The following HDX variants were observed in gnomAD, a reference collection of about 807,000 sequenced individuals.
The protein encoded by HDX is chromosome X open reading frame 43.
HDX carries 19 observed loss-of-function variants against 45.2 expected under a neutral mutation model. The ratio of observed to expected loss-of-function variants is 0.42; its 90% CI spans 0.29 to 0.62. The LOEUF (loss-of-function observed/expected upper bound fraction) is 0.62, where lower values mean the gene tolerates loss of function less well. Ranked by LOEUF, HDX falls within the 20% of genes least tolerant of loss-of-function variation. The pLI is 0.20. For missense variants in HDX, 532 were observed against 493.9 expected (o/e 1.08, Z -0.73); for synonymous variants, 188 against 172.8 (o/e 1.09, Z -0.69).
At chrX:84,376,895 G>C (rs1406314424) in intron 5 of HDX, among the ~76,000 whole-genome samples, 1 of 111,814 alleles carries the variant, frequency 8.9e-6, no homozygotes, top group Non-Finnish European at 1.9e-5. Context: ...CCAGGGCCTA[G>C]TGCGAACATA....
At chrX:84,330,589 C>T (rs191724724) in intron 9 of HDX, among the ~76,000 whole-genome samples, 1 of 111,467 alleles carries the variant, frequency 9.0e-6, no homozygotes, top group African/African-American at 3.3e-5. Context: ...ACCAGGAAGT[C>T]GTTTCTAATA....
intron 7 of HDX, among the ~76,000 whole-genome samples, chrX:84,338,640 T>C (rs1239334480): frequency 1.8e-5 from 2 of 110,620 alleles, no homozygotes; most frequent in African/African-American, 6.6e-5. Flanking sequence ...TAACCTCTTT[T>C]TTTTCTCTAT....
rs2037623964 is a variant in HDX, at chrX:84,361,591, T to C, written c.1327A>G (p.Ser443Gly). Residue 443 changes from serine (S) to glycine (G), a missense_variant, in exon 6 of 11, where the codon AGT becomes GGT. Physicochemically the swap from Ser to Gly is moderately conservative, Grantham distance 56. This residue lies in a region of HDX where 376 missense variants were observed against 343.7 expected (regional missense o/e 1.09). Transcript: ENST00000373177. ...KRALQDRTQF[S>G]DRDLATLKKY... Reference sequence around the variant, plus strand: ...TTAAGGGTGGCTAAGTCTCGGTCACTGAACTGAGTGCGGTCCTGTAGCTGA... The same window carrying C: ...TTAAGGGTGGCTAAGTCTCGGTCACCGAACTGAGTGCGGTCCTGTAGCTGA... The C allele has an allele frequency of 1.7e-6, 2 of 1,196,326 alleles. No individual in the cohort carries two copies. Among genetic ancestry groups the C allele is most frequent in the Non-Finnish European group, 2.3e-6 (2 of 887,064 alleles).
chrX:84,381,629 T>G lies in HDX; in HGVS notation c.1306-20017A>C, dbSNP rs190924918. Among the ~76,000 whole-genome samples, 208 of 111,742 alleles carry G rather than the reference T, an allele frequency of 1.9e-3. 2 individuals carry two copies. Among genetic ancestry groups the G allele is most frequent in the African/African-American group, 6.6e-3 (202 of 30,839 alleles). ...AGACAGTTTCTTCAATAAATGGTGC[T>G]GGGAAAACTGGATATTCATATGCAG... On this transcript the variant is annotated intron_variant, in intron 5 of 10. Coordinates refer to ENST00000373177, the MANE Select transcript of HDX (RefSeq NM_001177479.2).
intron 7 of HDX, 88 bp from the exon 8 acceptor site, chrX:84,336,968 A>T: frequency 1.7e-6 from 1 of 593,542 alleles, no homozygotes; most frequent in South Asian, 3.2e-5. Flanking sequence ...TAATTTCTCT[A>T]TTATAAAAAG....
chrX:84,367,534 G>C (rs2037788642), intron 5 of HDX, among the ~76,000 whole-genome samples: 1 of 112,182 alleles, frequency 8.9e-6, no homozygotes, highest in Non-Finnish European at 1.9e-5. Flanking sequence ...TCATTCTACT[G>C]TAAAGACACA....
At chrX:84,366,904 A>G (rs2037770464) in intron 5 of HDX, among the ~76,000 whole-genome samples, 1 of 112,161 alleles carries the variant, frequency 8.9e-6, no homozygotes, top group Non-Finnish European at 1.9e-5. Flanking sequence ...CTACAGAAGA[A>G]AACCTAGGCA....
intron 5 of HDX, among the ~76,000 whole-genome samples, chrX:84,426,801 C>G (rs2084706794): frequency 9.0e-6 from 1 of 110,730 alleles, no homozygotes. Flanking sequence ...TTCAGTTGCT[C>G]TCCCCAAAAT....
intron 6 of HDX, among the ~76,000 whole-genome samples, chrX:84,355,530 T>C (rs893943657): frequency 2.7e-5 from 3 of 111,140 alleles, no homozygotes; most frequent in African/African-American, 9.8e-5. Flanking sequence ...GGCACATACA[T>C]AAAAAATGAT....
intron 6 of HDX, among the ~76,000 whole-genome samples, chrX:84,345,673 A>G (rs935430641): frequency 8.9e-6 from 1 of 111,754 alleles, no homozygotes; most frequent in African/African-American, 3.2e-5. Context: ...TATGGATCAT[A>G]TGGTTATATG....
intron 2 of HDX, among the ~76,000 whole-genome samples, chrX:84,475,957 T>G (rs958198014): frequency 3.6e-5 from 4 of 112,048 alleles, no homozygotes; most frequent in African/African-American, 9.7e-5. Context: ...CTGTGAACAT[T>G]TCTGTGCTTT....
rs1369857077 is a variant in HDX at position 84,460,845 on chromosome X, T to G, written c.1251+7627A>C. Among the ~76,000 whole-genome samples the G allele has an allele frequency of 2.7e-5, 3 of 112,287 alleles. No individual in the cohort carries two copies. In the Admixed American group the frequency reaches 2.8e-4, roughly 11 times the overall value. ...AACTAATAAACAAACTGAGTTAAGT[T>G]GCAGAATATAAATTCAACATACAAA... On this transcript the variant is annotated intron_variant, in intron 4 of 10. Coordinates refer to ENST00000373177, the MANE Select transcript of HDX (RefSeq NM_001177479.2).
At chrX:84,480,398 A>G (rs756924918) in intron 2 of HDX, among the ~76,000 whole-genome samples, 84 of 111,848 alleles carry the variant, frequency 7.5e-4, no homozygotes, top group African/African-American at 2.7e-3. Flanking sequence ...AAGAGCTATG[A>G]GAGTAGACAT....
At chrX:84,441,264 C>G (rs946881508) in intron 4 of HDX, among the ~76,000 whole-genome samples, 4 of 111,376 alleles carry the variant, frequency 3.6e-5, no homozygotes, top group African/African-American at 1.3e-4. Context: ...AGGGCTTTAC[C>G]ACAAAGCAAG....
chrX:84,422,669 T>G (rs912255738), intron 5 of HDX, among the ~76,000 whole-genome samples: 1 of 86,492 alleles, frequency 1.2e-5, no homozygotes, highest in Non-Finnish European at 2.3e-5. Flanking sequence ...AAAGGTTTTT[T>G]TTTTTTTTTT....
chrX:84,419,131 A>G (rs1199162136), intron 5 of HDX, among the ~76,000 whole-genome samples: 5 of 108,408 alleles, frequency 4.6e-5, no homozygotes, highest in South Asian at 4.0e-4. Flanking sequence ...ATAACAAGCA[A>G]TGATACCCAG....
At chrX:84,459,386 G>A (rs1227922144) in intron 4 of HDX, among the ~76,000 whole-genome samples, 1 of 109,405 alleles carries the variant, frequency 9.1e-6, no homozygotes, top group Non-Finnish European at 1.9e-5. Context: ...AGCGTGCAGT[G>A]AGCCGAGATC....
At position 84,473,972 on chromosome X, in the gene HDX, G is replaced by A. The variant is rs190659454; in HGVS notation, c.147+1279C>T. Among the ~76,000 whole-genome samples, 523 of 112,423 alleles carry A rather than the reference G, an allele frequency of 4.7e-3. 3 individuals carry two copies. The highest frequency in any genetic ancestry group is 0.016 in the African/African-American group (499 of 31,011). On this transcript the variant is annotated intron_variant, in intron 3 of 10. Transcript: ENST00000373177. Reference sequence around the variant, plus strand: ...CTGGTTCTTAAACAAATCTGAGTATGATGATTGGTCTCAGCAAATAAGAAA... The same window carrying A: ...CTGGTTCTTAAACAAATCTGAGTATAATGATTGGTCTCAGCAAATAAGAAA...
At position 84,469,008 on chromosome X, in the gene HDX, C is replaced by T. The variant is rs776143758; in HGVS notation, c.715G>A (p.Ala239Thr). The T allele has an allele frequency of 3.3e-6, 4 of 1,211,287 alleles. No individual in the cohort carries two copies. The South Asian group carries it at 5.3e-5, about 16-fold the overall frequency. ...RSYKPEHTGP[A>T]LHNLCGQKPT... is the part of the protein sequence containing the mutation. ...TTTTGCCCACATAAGTTATGTAATGCTGGGCCTGTGTGTTCAGGCTTATAT... is the reference window on the plus strand; with the variant it reads ...TTTTGCCCACATAAGTTATGTAATGTTGGGCCTGTGTGTTCAGGCTTATAT... Residue 239 changes from alanine to threonine, a missense_variant, in exon 4 of 11, where the codon GCA becomes ACA. Around this residue, in one of 3 missense-constraint regions of HDX, gnomAD observed 376 missense variants for 343.7 expected, o/e 1.09. Coordinates refer to ENST00000373177, the MANE Select transcript of HDX (RefSeq NM_001177479.2).
Sources: gnomAD v4.1 joint callset for allele counts (sites outside exome capture counted in the v4.1 genomes callset) on GRCh38, gnomAD v4.1.1 for gene constraint, gnomAD v4.1.1 regional missense constraint, MANE v1.5 for transcripts, NCBI Gene and HGNC (gene_info 2026-07-23, HGNC 2026-07-21) for gene names.